Variants in SLC24A3 observed in about 807,000 individuals in gnomAD.
SLC24A3 encodes sodium/potassium/calcium exchanger 3.
Under a neutral mutation model 75.8 loss-of-function variants are expected in SLC24A3, and 28 were observed. The ratio of observed to expected loss-of-function variants is 0.37; its 90% CI spans 0.27 to 0.51. SLC24A3 has a LOEUF of 0.51. SLC24A3 is among the 20% of genes least tolerant of loss of function. SLC24A3 has a pLI of 0.94. For missense variants in SLC24A3, 663 were observed against 847.8 expected (o/e 0.78, Z 2.71); for synonymous variants, 372 against 334.1 (o/e 1.11, Z -1.24).
At chr20:19,550,863 T>G (rs1395999412) in intron 3 of SLC24A3, among the ~76,000 whole-genome samples, 1 of 151,990 alleles carries the variant, frequency 6.6e-6, no homozygotes, top group Non-Finnish European at 1.5e-5. Context: ...CAGGCAGTAA[T>G]GAAGAGCAAA....
intron 2 of SLC24A3, among the ~76,000 whole-genome samples, chr20:19,361,090 G>A (rs1322551368): frequency 6.6e-6 from 1 of 152,222 alleles, no homozygotes; most frequent in Non-Finnish European, 1.5e-5. Context: ...GCCTCCCAAA[G>A]TGCTGGGATT....
intron 6 of SLC24A3, among the ~76,000 whole-genome samples, chr20:19,599,636 T>C (rs1444561180): frequency 2.6e-5 from 4 of 152,236 alleles, no homozygotes; most frequent in South Asian, 2.1e-4. Flanking sequence ...TGAGACTCTA[T>C]TCCGAGCTAC....
At chr20:19,412,523 G>T (rs767980369) in intron 2 of SLC24A3, among the ~76,000 whole-genome samples, 1 of 151,786 alleles carries the variant, frequency 6.6e-6, no homozygotes, top group Non-Finnish European at 1.5e-5. Flanking sequence ...TGAGGAAGCA[G>T]GAGGAGAAGG....
At chr20:19,638,841 G>A (rs780782824) in intron 6 of SLC24A3, among the ~76,000 whole-genome samples, 11 of 152,152 alleles carry the variant, frequency 7.2e-5, no homozygotes, top group African/African-American at 1.7e-4. Context: ...GGAGTTGTTC[G>A]TTCCTCCCAG....
chr20:19,601,600 AG>A, intron 6 of SLC24A3, among the ~76,000 whole-genome samples: 1 of 152,102 alleles, frequency 6.6e-6, no homozygotes, highest in East Asian at 1.9e-4. Flanking sequence ...CAGAGAGCTG[AG>A]GTTAGATGTA....
chr20:19,707,358 A>G (rs1420280552), intron 15 of SLC24A3, among the ~76,000 whole-genome samples: 2 of 152,348 alleles, frequency 1.3e-5, no homozygotes, highest in African/African-American at 4.8e-5. Context: ...AAGCTAAGCA[A>G]GAGACTACAG....
intron 2 of SLC24A3, among the ~76,000 whole-genome samples, chr20:19,285,378 T>G (rs1005263637): frequency 7.0e-6 from 1 of 142,672 alleles, no homozygotes; most frequent in African/African-American, 2.6e-5. Flanking sequence ...CTTGGGGGGC[T>G]GAGGTGGAAG....
At chr20:19,527,457 A>G (rs2030219508) in intron 3 of SLC24A3, among the ~76,000 whole-genome samples, 1 of 152,198 alleles carries the variant, frequency 6.6e-6, no homozygotes, top group South Asian at 2.1e-4. Flanking sequence ...CTGTGGTTTC[A>G]TAAGGCTCTG....
intron 2 of SLC24A3, among the ~76,000 whole-genome samples, chr20:19,455,579 T>G (rs1366329842): frequency 6.6e-6 from 1 of 152,214 alleles, no homozygotes; most frequent in East Asian, 1.9e-4. Context: ...CAATCTTTAA[T>G]CAGCGAGAGA....
chr20:19,633,598 G>A (rs959593881), intron 6 of SLC24A3, among the ~76,000 whole-genome samples: 1 of 135,228 alleles, frequency 7.4e-6, no homozygotes, highest in Non-Finnish European at 1.5e-5. Flanking sequence ...GCAGTGAGCC[G>A]AGATCCCGCC....
intron 7 of SLC24A3, among the ~76,000 whole-genome samples, chr20:19,661,802 G>A (rs1275971256): frequency 4.6e-5 from 7 of 152,084 alleles, no homozygotes; most frequent in African/African-American, 7.2e-5. Flanking sequence ...TCTCTCCCGC[G>A]TATACTAGGG....
At chr20:19,322,383 C>T (rs937098171) in intron 2 of SLC24A3, among the ~76,000 whole-genome samples, 2 of 146,928 alleles carry the variant, frequency 1.4e-5, no homozygotes, top group South Asian at 4.4e-4. Context: ...TCCTTCCTTC[C>T]TTCCTTCCTT....
intron 3 of SLC24A3, among the ~76,000 whole-genome samples, chr20:19,551,536 G>C (rs2030693908): frequency 6.6e-6 from 1 of 152,192 alleles, no homozygotes; most frequent in African/African-American, 2.4e-5. Context: ...TTCATGGTGA[G>C]TGTAGAGAAA....
chr20:19,345,925 T>C (rs1406498581), intron 2 of SLC24A3, among the ~76,000 whole-genome samples: 3 of 151,396 alleles, frequency 2.0e-5, no homozygotes, highest in African/African-American at 4.9e-5. Flanking sequence ...GATCCAGCAA[T>C]CCCACTACTA....
rs112032187 is a variant in SLC24A3, at chr20:19,247,281, G to A, written c.143-33678G>A. On this transcript the variant is annotated intron_variant, in intron 1 of 16. Transcript: ENST00000328041. Reference sequence around the variant, plus strand: ...CCATTTTAGGTACAGAAAGAATTCTGTGTGCAAATTATGCCCACTCTCCTA... The same window carrying A: ...CCATTTTAGGTACAGAAAGAATTCTATGTGCAAATTATGCCCACTCTCCTA... Among the ~76,000 whole-genome samples the A allele has an allele frequency of 2.2e-4, 34 of 152,244 alleles. 3 individuals carry two copies. The highest frequency in any genetic ancestry group is 8.2e-4 in the African/African-American group (34 of 41,554).
intron 1 of SLC24A3, among the ~76,000 whole-genome samples, chr20:19,223,065 G>A (rs1334949801): frequency 6.6e-6 from 1 of 152,154 alleles, no homozygotes; most frequent in Non-Finnish European, 1.5e-5. Context: ...GGCCGAGGTG[G>A]GCGGATCATC....
intron 6 of SLC24A3, among the ~76,000 whole-genome samples, chr20:19,646,739 C>T (rs949338633): frequency 3.9e-5 from 6 of 152,102 alleles, no homozygotes; most frequent in African/African-American, 1.4e-4. Flanking sequence ...GCCTTACCTC[C>T]AGGGGAACAC....
chr20:19,678,320 G>A (rs2032554454), intron 9 of SLC24A3, among the ~76,000 whole-genome samples: 1 of 133,154 alleles, frequency 7.5e-6, no homozygotes, highest in Non-Finnish European at 1.7e-5. Context: ...AGACGGGGCG[G>A]CTGGCCGGGC....
chr20:19,305,679 G>T (rs1984307908), intron 2 of SLC24A3, among the ~76,000 whole-genome samples: 1 of 152,120 alleles, frequency 6.6e-6, no homozygotes, highest in African/African-American at 2.4e-5. Context: ...GATAAACGGT[G>T]CTGGGATAAG....
Sources: gnomAD v4.1 joint callset for allele counts (sites outside exome capture counted in the v4.1 genomes callset) on GRCh38, gnomAD v4.1.1 for gene constraint, MANE v1.5 for transcripts, NCBI Gene and HGNC (gene_info 2026-07-23, HGNC 2026-07-21) for gene names.